MYOM1: variants seen among roughly 807,000 people sequenced by gnomAD.
MYOM1 encodes the protein myomesin-1.
In MYOM1, 164 loss-of-function variants were observed where a neutral mutation model predicts 205.3. The ratio of observed to expected loss-of-function variants is 0.80; its 90% CI spans 0.70 to 0.91. The LOEUF is 0.91. Ranked by LOEUF, MYOM1 falls within the 40% of genes least tolerant of loss-of-function variation. The pLI is 0.00. For missense variants in MYOM1, 2,011 were observed against 2,127.3 expected, an observed-to-expected ratio of 0.95 and a Z score of 1.08; for synonymous variants, 772 against 789.4, an observed-to-expected ratio of 0.98 and a Z score of 0.37.
chr18:3,144,035 T>C (rs2080089023), intron 13 of MYOM1, among the ~76,000 whole-genome samples: 1 of 149,242 alleles, frequency 6.7e-6, no homozygotes, highest in Admixed American at 6.7e-5. Context: ...TGAAACCCCA[T>C]CTCTACTAAA....
At chr18:3,240,289 C>T in the MYOM1 span, among the ~76,000 whole-genome samples, 14 of 152,154 alleles carry the variant, frequency 9.2e-5, no homozygotes, top group Admixed American at 9.2e-4. Flanking sequence ...CTATCAGAGC[C>T]AGTGATATGG....
chr18:3,072,050 C>T (rs1218460370), intron 36 of MYOM1, among the ~76,000 whole-genome samples, 161 bp from the exon 37 acceptor site: 2 of 147,464 alleles, frequency 1.4e-5, no homozygotes, highest in Non-Finnish European at 3.0e-5. Context: ...TCCAGGGATT[C>T]AGGATTTTTT....
At chr18:3,121,532 T>C (rs1255832398) in intron 19 of MYOM1, among the ~76,000 whole-genome samples, 1 of 152,278 alleles carries the variant, frequency 6.6e-6, no homozygotes, top group Non-Finnish European at 1.5e-5. Flanking sequence ...TATTGGTAAG[T>C]TGAATCTATA....
the MYOM1 span, among the ~76,000 whole-genome samples, chr18:3,242,620 A>C: frequency 6.6e-6 from 1 of 151,984 alleles, no homozygotes; most frequent in Non-Finnish European, 1.5e-5. Flanking sequence ...GTGATTCTCC[A>C]ACCTCAGCCT....
chr18:3,166,225 G>A (rs1023513860), intron 9 of MYOM1, among the ~76,000 whole-genome samples: 2 of 151,696 alleles, frequency 1.3e-5, no homozygotes, highest in Non-Finnish European at 2.9e-5. Context: ...GCTCTGGAGA[G>A]GAGCTATATT....
chr18:3,138,892 T>C (rs998768968), intron 14 of MYOM1, among the ~76,000 whole-genome samples: 4 of 152,226 alleles, frequency 2.6e-5, no homozygotes, highest in African/African-American at 7.2e-5. Context: ...TGAACCAGAC[T>C]GCTGGGGTTC....
chr18:3,102,986 T>C (rs977990160), intron 22 of MYOM1, among the ~76,000 whole-genome samples: 2 of 152,236 alleles, frequency 1.3e-5, no homozygotes, highest in Admixed American at 1.3e-4. Context: ...TTCATGACTT[T>C]TGTTTCAACA....
At chr18:3,187,658 A>G in intron 4 of MYOM1, 21 bp from the exon 5 acceptor site, 1 of 1,564,956 alleles carries the variant, frequency 6.4e-7, no homozygotes, top group Non-Finnish European at 8.7e-7. Context: ...AAATATGCAA[A>G]CAAACATATT....
chr18:3,222,116 A>G (rs1229439504), upstream of MYOM1, among the ~76,000 whole-genome samples: 2 of 152,266 alleles, frequency 1.3e-5, no homozygotes, highest in Admixed American at 1.3e-4. Flanking sequence ...TAACCACTCC[A>G]TTAAGTTTTC....
intron 14 of MYOM1, among the ~76,000 whole-genome samples, chr18:3,138,712 T>C (rs1172259811): frequency 1.3e-5 from 2 of 152,216 alleles, no homozygotes; most frequent in Non-Finnish European, 2.9e-5. Context: ...TAGCTGCCTT[T>C]CACTGTGCCG....
chr18:3,084,622 T>G (rs1381045314), intron 31 of MYOM1, among the ~76,000 whole-genome samples: 1 of 152,224 alleles, frequency 6.6e-6, no homozygotes, highest in Non-Finnish European at 1.5e-5. Flanking sequence ...TCCTTAGTAG[T>G]CTCTGAAAAA....
intron 5 of MYOM1, among the ~76,000 whole-genome samples, chr18:3,184,816 C>T (rs555546348): frequency 1.3e-5 from 2 of 152,292 alleles, no homozygotes; most frequent in South Asian, 2.1e-4. Flanking sequence ...AGAGCACTAA[C>T]GGAGGTGCAG....
intron 14 of MYOM1, among the ~76,000 whole-genome samples, chr18:3,139,723 C>G (rs1004302458): frequency 6.6e-6 from 1 of 152,218 alleles, no homozygotes; most frequent in African/African-American, 2.4e-5. Context: ...ATGCCCTGTG[C>G]AGGCCTCCCT....
chr18:3,226,917 G>A, the MYOM1 span, among the ~76,000 whole-genome samples: 1 of 152,202 alleles, frequency 6.6e-6, no homozygotes, highest in African/African-American at 2.4e-5. The surrounding 1 kb of genome is among the most constrained non-coding windows in gnomAD (Gnocchi z 4.6). Flanking sequence ...GCTGCGGGGA[G>A]GACAACTGCT....
At chr18:3,237,496 GGCTGAGGCAGGAGAA>G in the MYOM1 span, among the ~76,000 whole-genome samples, 1 of 151,160 alleles carries the variant, frequency 6.6e-6, no homozygotes, top group Non-Finnish European at 1.5e-5. Flanking sequence ...CTACTTGGGA[GGCTGAGGCAGGAGAA>G]TGGCGTGAAC....
At chr18:3,120,050 T>G (rs78606951) in intron 19 of MYOM1, 55 bp from the exon 20 acceptor site, 1 of 1,519,412 alleles carries the variant, frequency 6.6e-7, no homozygotes, top group Non-Finnish European at 8.8e-7. Flanking sequence ...TTTTTTTTTT[T>G]CTACTTGTTG....
chr18:3,071,817 G>A lies in MYOM1; in HGVS notation c.4764+17C>T, dbSNP rs996587559. ...CATAGTGCAGAAGGAGCAGGCACAGGCAGGCTTCATGCTTACCTTCCCCTC... is the reference window on the plus strand; with the variant it reads ...CATAGTGCAGAAGGAGCAGGCACAGACAGGCTTCATGCTTACCTTCCCCTC... On this transcript the variant is annotated intron_variant, in intron 37 of 37. Coordinates refer to ENST00000356443, the MANE Select transcript of MYOM1 (RefSeq NM_003803.4). 6.3e-7 allele frequency: 1 copy of A among 1,591,020 alleles called. No individual in the cohort carries two copies. The highest frequency in any genetic ancestry group is 1.3e-5 in the African/African-American group (1 of 74,438).
the MYOM1 span, among the ~76,000 whole-genome samples, chr18:3,229,976 C>CA: frequency 0.38 from 29,783 of 79,176 alleles, 5,151 homozygotes; most frequent in Admixed American, 0.46. Flanking sequence ...AACTCCATCT[C>CA]AAAAAAAAAA....
the MYOM1 span, among the ~76,000 whole-genome samples, chr18:3,231,851 T>C: frequency 8.6e-6 from 1 of 116,400 alleles, no homozygotes; most frequent in East Asian, 4.0e-4. Flanking sequence ...CGCATCCTTT[T>C]TTTTTTTTTT....
Sources: allele counts gnomAD v4.1 joint callset (sites outside exome capture counted in the v4.1 genomes callset), GRCh38; gene constraint gnomAD v4.1.1; non-coding constraint Gnocchi (gnomAD v3.1); transcripts MANE v1.5; gene names NCBI Gene and HGNC (gene_info 2026-07-23, HGNC 2026-07-21).